The following LIMS1 variants were observed in gnomAD, a reference collection of about 807,000 sequenced individuals.
LIMS1 encodes LIM zinc finger domain containing 1.
A neutral mutation model predicts 44.1 loss-of-function variants in LIMS1; 18 were observed. That is an observed-to-expected ratio of 0.41 (90% CI 0.28 to 0.61). LIMS1 has a LOEUF of 0.61. Among genes scored for constraint, LIMS1 ranks in the 20% least tolerant of loss-of-function variants. LIMS1 has a pLI of 0.32. For missense variants in LIMS1, 201 were observed against 422.0 expected (o/e 0.48, Z 4.59); for synonymous variants, 93 against 149.1 (o/e 0.62, Z 2.74).
rs1378112673 is a variant in LIMS1, at chr2:108,627,398, TG to T, written c.33-32205del. Among the ~76,000 whole-genome samples the T allele has an allele frequency of 1.2e-4, 14 of 119,388 alleles. No individual in the cohort carries two copies. The South Asian group carries it at 4.0e-3, about 34-fold the overall frequency. 78.3% of individuals were successfully genotyped at this position (119,388 alleles called of 152,430 possible). A position where few individuals can be genotyped will look rare whatever the true frequency, so the allele number is the denominator to read the frequency against. ...AAGTTATTGAATAATGATCCCTTTCTGGTTTTTTTTTTTTTTTTTTTTGCAC... is the reference window on the plus strand; with the variant it reads ...AAGTTATTGAATAATGATCCCTTTCTGTTTTTTTTTTTTTTTTTTTTGCAC... On this transcript the variant is annotated intron_variant, in intron 1 of 9. Coordinates refer to ENST00000544547, the Ensembl canonical transcript of LIMS1.
intron 1 of LIMS1, among the ~76,000 whole-genome samples, chr2:108,600,814 A>C (rs1686966680): frequency 6.6e-6 from 1 of 152,158 alleles, no homozygotes; most frequent in Non-Finnish European, 1.5e-5. Flanking sequence ...TGATTCCCCC[A>C]GTTTTGTTCT....
intron 1 of LIMS1, among the ~76,000 whole-genome samples, chr2:108,548,800 A>C (rs937907228): frequency 6.6e-6 from 1 of 152,174 alleles, no homozygotes; most frequent in South Asian, 2.1e-4. Flanking sequence ...TGGAATGTGG[A>C]GGGTGATGGG....
At chr2:108,554,372 A>G (rs893302754) in intron 1 of LIMS1, among the ~76,000 whole-genome samples, 7 of 152,162 alleles carry the variant, frequency 4.6e-5, no homozygotes, top group Non-Finnish European at 1.0e-4. Flanking sequence ...CCTACACTCT[A>G]TTCCCGAGGA....
chr2:108,554,619 G>A (rs1684860494), intron 1 of LIMS1, among the ~76,000 whole-genome samples: 1 of 152,170 alleles, frequency 6.6e-6, no homozygotes, highest in South Asian at 2.1e-4. Flanking sequence ...GTTTCTGGAT[G>A]CCTCAGGGTA....
At chr2:108,543,495 A>T (rs1417742408) in intron 1 of LIMS1, among the ~76,000 whole-genome samples, 1 of 152,210 alleles carries the variant, frequency 6.6e-6, no homozygotes, top group Non-Finnish European at 1.5e-5. Context: ...ATGAGAAAAT[A>T]ACAAAAGAAT....
intron 1 of LIMS1, among the ~76,000 whole-genome samples, chr2:108,540,311 G>A (rs1015404915): frequency 6.9e-5 from 10 of 145,116 alleles, no homozygotes; most frequent in African/African-American, 2.3e-4. Flanking sequence ...TCATTCTCCT[G>A]CCTCAGCTTC....
Position 108,551,437 on chromosome 2 carries a change from A to G in LIMS1, c.32+16843A>G, listed in dbSNP as rs1360994731. On this transcript the variant is annotated intron_variant, in intron 1 of 9. Transcript: ENST00000544547. ...AATATAATTATATAGTTAAGTATAT[A>G]TAGTATATATAATATATAGTTAGCA... 2.7e-5 allele frequency among the ~76,000 whole-genome samples: 4 copies of G among 146,114 alleles called. No individual in the cohort carries two copies. In the East Asian group the frequency reaches 5.9e-4, roughly 21 times the overall value.
chr2:108,679,244 C>G (rs1452354517), intron 8 of LIMS1, among the ~76,000 whole-genome samples: 2 of 151,258 alleles, frequency 1.3e-5, no homozygotes, highest in African/African-American at 4.9e-5. Context: ...TTTGGGAGGC[C>G]AAGGCGGGCA....
At chr2:108,546,343 C>T (rs1294195833) in intron 1 of LIMS1, among the ~76,000 whole-genome samples, 2 of 132,128 alleles carry the variant, frequency 1.5e-5, no homozygotes, top group East Asian at 2.8e-4. Flanking sequence ...TGCAGTGGAT[C>T]GATCATAGCT....
At chr2:108,667,551 A>AAAAAACT (rs765279788) in intron 2 of LIMS1, among the ~76,000 whole-genome samples, 1 of 130,484 alleles carries the variant, frequency 7.7e-6, no homozygotes, top group Non-Finnish European at 1.6e-5. Flanking sequence ...AAAAAAAAAA[A>AAAAAACT]ATATATATAT....
chr2:108,679,410 G>A (rs1262242200), intron 8 of LIMS1, among the ~76,000 whole-genome samples: 1 of 152,094 alleles, frequency 6.6e-6, no homozygotes, highest in African/African-American at 2.4e-5. Context: ...AACCCGGGAG[G>A]CAGAGGTTGC....
At chr2:108,542,751 A>G (rs1039010386) in intron 1 of LIMS1, among the ~76,000 whole-genome samples, 2 of 152,132 alleles carry the variant, frequency 1.3e-5, no homozygotes, top group Non-Finnish European at 2.9e-5. Flanking sequence ...GGAGTTCCCA[A>G]GTCTTACAAC....
chr2:108,581,010 G>A (rs1208666952), intron 1 of LIMS1, among the ~76,000 whole-genome samples: 1 of 152,114 alleles, frequency 6.6e-6, no homozygotes, highest in Non-Finnish European at 1.5e-5. Flanking sequence ...TTGTGTCCCT[G>A]GGCTGCTGAA....
chr2:108,621,895 A>T (rs192905189), intron 1 of LIMS1, among the ~76,000 whole-genome samples: 1 of 152,132 alleles, frequency 6.6e-6, no homozygotes, highest in Non-Finnish European at 1.5e-5. Context: ...TGTTACTGAA[A>T]TGGTGTAACA....
chr2:108,571,889 C>G (rs1685492104), intron 1 of LIMS1, among the ~76,000 whole-genome samples: 1 of 152,156 alleles, frequency 6.6e-6, no homozygotes, highest in Admixed American at 6.5e-5. Flanking sequence ...TCATTGAGCC[C>G]CAGCTGCTCT....
At chr2:108,566,521 G>A (rs746055083) in intron 1 of LIMS1, among the ~76,000 whole-genome samples, 3 of 152,150 alleles carry the variant, frequency 2.0e-5, no homozygotes, top group Non-Finnish European at 2.9e-5. Context: ...ATTTGAGTCT[G>A]TAAAACCCAA....
chr2:108,587,374 G>A (rs1686161032), intron 1 of LIMS1, among the ~76,000 whole-genome samples: 1 of 146,260 alleles, frequency 6.8e-6, no homozygotes, highest in Non-Finnish European at 1.5e-5. Flanking sequence ...TTTTGTTTTT[G>A]TTTTTTCAGA....
At position 108,672,319 on chromosome 2, in the gene LIMS1, C is replaced by T; in HGVS notation, c.260-6C>T. The T allele has an allele frequency of 7.7e-7, 1 of 1,292,808 alleles. No individual in the cohort carries two copies. Among genetic ancestry groups the T allele is most frequent in the Non-Finnish European group, 1.0e-6 (1 of 960,238 alleles). The allele number at this position is 1,292,808 out of a possible 1,614,324, so 80.1% of individuals were successfully genotyped here. ...GTAACATCCTTTGTGTGTTGCTTTC[C>T]CACAGGTGAATTCATCATTGGCCGA... On this transcript the variant is annotated splice_region_variant and splice_polypyrimidine_tract_variant and intron_variant, in intron 3 of 9. Coordinates refer to ENST00000544547, the Ensembl canonical transcript of LIMS1.
chr2:108,616,197 CTTTT>C (rs1159229290), intron 1 of LIMS1, among the ~76,000 whole-genome samples: 4 of 71,948 alleles, frequency 5.6e-5, no homozygotes, highest in South Asian at 1.2e-3. Flanking sequence ...TTTGCATGGG[CTTTT>C]TTTTTTTTTT....
Sources: gnomAD v4.1 joint callset for allele counts (sites outside exome capture counted in the v4.1 genomes callset) on GRCh38, gnomAD v4.1.1 for gene constraint, MANE v1.5 for transcripts, NCBI Gene and HGNC (gene_info 2026-07-23, HGNC 2026-07-21) for gene names.